The following KMT2C variants were observed in gnomAD, a reference collection of about 807,000 sequenced individuals.
KMT2C encodes the protein histone-lysine N-methyltransferase 2C.
In KMT2C, 88 loss-of-function variants were observed where a neutral mutation model predicts 507.9. That is an observed-to-expected ratio of 0.17 (90% CI 0.15 to 0.21). The LOEUF is 0.21. Among genes scored for constraint, KMT2C ranks in the 10% least tolerant of loss-of-function variants. KMT2C has a pLI of 1.00. For missense variants in KMT2C, 4,954 were observed against 5,957.8 expected, an observed-to-expected ratio of 0.83 and a Z score of 5.55; for synonymous variants, 2,049 against 2,080.8, an observed-to-expected ratio of 0.98 and a Z score of 0.42.
intron 54 of KMT2C, 60 bp downstream of exon 54, chr7:152,145,093 G>C: frequency 6.4e-7 from 1 of 1,569,964 alleles, no homozygotes; most frequent in Non-Finnish European, 8.7e-7. Context: ...ATCAAGCACA[G>C]GAAACCACTA....
rs552727080 is a variant in KMT2C at position 152,162,481 on chromosome 7, T to C, written c.11096A>G (p.Tyr3699Cys). Residue 3699 changes from tyrosine (Y) to cysteine (C), a missense_variant, in exon 43 of 59, where the codon TAT becomes TGT. Coordinates refer to ENST00000262189, the MANE Select transcript of KMT2C (RefSeq NM_170606.3). ...FSQATPNQQTYANSEVDKLSM... is the reference protein window; with the variant it reads ...FSQATPNQQTCANSEVDKLSM... The stretch of plus-strand genomic sequence containing the variant: ...GAGCTTGTCTACTTCTGAATTTGCA[T>C]ACGTCTGTTGATTTGGAGTTGCTTG... The C allele has an allele frequency of 2.5e-6, 4 of 1,614,276 alleles. No individual in the cohort carries two copies. The highest frequency in any genetic ancestry group is 2.2e-5 in the East Asian group (1 of 44,892).
At chr7:152,267,354 T>C (rs1443226040) in intron 7 of KMT2C, among the ~76,000 whole-genome samples, 1 of 152,210 alleles carries the variant, frequency 6.6e-6, no homozygotes, top group African/African-American at 2.4e-5. Flanking sequence ...GAAACTTTTT[T>C]AAAAACCCGA....
At chr7:152,378,127 A>C (rs1564044846) in intron 1 of KMT2C, among the ~76,000 whole-genome samples, 2 of 152,244 alleles carry the variant, frequency 1.3e-5, no homozygotes, top group Non-Finnish European at 1.5e-5. Context: ...GAAATTGTTG[A>C]ATAACAACAA....
chr7:152,258,895 T>G (rs556394613), intron 9 of KMT2C, among the ~76,000 whole-genome samples: 13 of 152,262 alleles, frequency 8.5e-5, no homozygotes, highest in African/African-American at 3.1e-4. Context: ...GGTCTTAAAG[T>G]GTCCTTACAT....
At chr7:152,364,609 CAAA>C (rs568794506) in intron 1 of KMT2C, among the ~76,000 whole-genome samples, 38 of 90,840 alleles carry the variant, frequency 4.2e-4, no homozygotes, top group African/African-American at 1.8e-3. Context: ...ACTCCGTCTC[CAAA>C]AAAAAAAAGA....
rs935743863 is a variant in KMT2C, at chr7:152,368,068, T to A, written c.162-9393A>T. On this transcript the variant is annotated intron_variant, in intron 1 of 58. Transcript: ENST00000262189. Reference sequence around the variant, plus strand: ...GAAGAAAATAAACTTGCTAAAAAGGTAAAGGACTGTTTACCTCTTGCTGTG... The same window carrying A: ...GAAGAAAATAAACTTGCTAAAAAGGAAAAGGACTGTTTACCTCTTGCTGTG... 2.3e-5 allele frequency: 20 copies of A among 879,646 alleles called. No individual in the cohort carries two copies. The Admixed American group carries it at 2.9e-4, about 13-fold the overall frequency. 54.5% of individuals were successfully genotyped at this position (879,646 alleles called of 1,614,324 possible).
chr7:152,184,658 TG>T (rs1159691504), intron 34 of KMT2C, among the ~76,000 whole-genome samples: 2 of 152,214 alleles, frequency 1.3e-5, no homozygotes, highest in Non-Finnish European at 2.9e-5. Context: ...TCTGTATCCA[TG>T]GGGTATTGGT....
chr7:152,408,671 G>C (rs1259159600), intron 1 of KMT2C, among the ~76,000 whole-genome samples: 2 of 152,132 alleles, frequency 1.3e-5, no homozygotes, highest in Non-Finnish European at 2.9e-5. Context: ...ACTAATGCCT[G>C]ATGATCTAAG....
intron 6 of KMT2C, among the ~76,000 whole-genome samples, chr7:152,284,040 T>C (rs2096260164): frequency 6.6e-6 from 1 of 152,152 alleles, no homozygotes; most frequent in Non-Finnish European, 1.5e-5. Flanking sequence ...TTTTGATTAC[T>C]TTGAAATTGA....
chr7:152,198,058 TATAAG>T (rs2094016439), intron 27 of KMT2C, among the ~76,000 whole-genome samples: 1 of 152,224 alleles, frequency 6.6e-6, no homozygotes, highest in Non-Finnish European at 1.5e-5. Flanking sequence ...TTATGAGAGT[TATAAG>T]ATAAACTTTA....
At chr7:152,249,312 T>A (rs930472296) in intron 13 of KMT2C, among the ~76,000 whole-genome samples, 1 of 136,342 alleles carries the variant, frequency 7.3e-6, no homozygotes, top group Non-Finnish European at 1.5e-5. Context: ...GTGACTAAAA[T>A]TTATCTGGTT....
chr7:152,177,725 A>G lies in KMT2C; in HGVS notation c.7728T>C (p.Ala2576=), dbSNP rs2093265754. 2 of 1,613,992 alleles carry G rather than the reference A, an allele frequency of 1.2e-6. No individual in the cohort carries two copies. The highest frequency in any genetic ancestry group is 1.3e-5 in the African/African-American group (1 of 74,900). The part of the protein sequence containing the change: ...PDGRQRLPFS[A]PPGSVVEASS... ...ATGCCTCTACAACGCTGCCAGGTGGAGCACTGAAAGGCAGCCGTTGCCTTC... is the reference window on the plus strand; with the variant it reads ...ATGCCTCTACAACGCTGCCAGGTGGGGCACTGAAAGGCAGCCGTTGCCTTC... The change falls in exon 38 of 59, where the codon GCT becomes GCC. Residue 2576 remains alanine (A), a synonymous_variant. Coordinates refer to ENST00000262189, the MANE Select transcript of KMT2C (RefSeq NM_170606.3).
chr7:152,389,840 C>CA (rs1423438334), intron 1 of KMT2C, among the ~76,000 whole-genome samples: 6 of 151,616 alleles, frequency 4.0e-5, no homozygotes, highest in African/African-American at 9.7e-5. Context: ...CTCCCCCTCG[C>CA]AAAAAAAGGT....
intron 2 of KMT2C, among the ~76,000 whole-genome samples, chr7:152,352,585 T>C (rs1479295132): frequency 6.6e-6 from 1 of 152,190 alleles, no homozygotes; most frequent in Admixed American, 6.5e-5. Flanking sequence ...CTTTGTACTC[T>C]GTCCCTCTAT....
In KMT2C at chr7:152,250,885, C is replaced by T; in HGVS notation, c.1703G>A (p.Gly568Asp). ...AACAATTCCAGGAGTGGACTCCTGA[C>T]CGTTGACATCTTTATTAGCTGCCTG... ...SEQAANKDVN[G>D]QESTPGIVPD... is the part of the protein sequence containing the mutation. Residue 568 changes from glycine to aspartate, a missense_variant, in exon 12 of 59, where the codon GGT becomes GAT. By Grantham distance (94) the Gly-to-Asp change is moderately conservative (BLOSUM62 -1). Coordinates refer to ENST00000262189, the MANE Select transcript of KMT2C (RefSeq NM_170606.3). 6.2e-7 allele frequency: 1 copy of T among 1,607,186 alleles called. No homozygotes were observed. The highest frequency in any genetic ancestry group is 8.5e-7 in the Non-Finnish European group (1 of 1,173,826).
chr7:152,387,835 G>T (rs570179134), intron 1 of KMT2C, among the ~76,000 whole-genome samples: 1 of 151,548 alleles, frequency 6.6e-6, no homozygotes, highest in African/African-American at 2.4e-5. Flanking sequence ...ATACATACAC[G>T]TCTTATCTAC....
At position 152,135,896 on chromosome 7, in the gene KMT2C, A is replaced by T. The variant is rs954635690; in HGVS notation, c.*936T>A. 3 of 231,188 alleles carry T rather than the reference A, an allele frequency of 1.3e-5. No individual in the cohort carries two copies. Among genetic ancestry groups the T allele is most frequent in the African/African-American group, 6.6e-5 (3 of 45,162 alleles). The allele number at this position is 231,188 out of a possible 1,614,324, so 14.3% of individuals were successfully genotyped here. A position where few individuals can be genotyped will look rare whatever the true frequency, so the allele number is the denominator to read the frequency against. On this transcript the variant is annotated 3_prime_UTR_variant, in exon 59 of 59. Coordinates refer to ENST00000262189, the MANE Select transcript of KMT2C (RefSeq NM_170606.3). ...CTGCGGTTTCCAAAAAACCCCCAAC[A>T]CTCTAGGTTGAAATTTTGGTTATTA...
rs200475025 is a variant in KMT2C, at chr7:152,248,369, T to C, written c.2065A>G (p.Met689Val). The C allele has an allele frequency of 2.0e-4, 328 of 1,614,014 alleles. 3 individuals are homozygous for C. The South Asian group carries it at 3.6e-3, about 18-fold the overall frequency. The change falls in exon 14 of 59, where the codon ATG becomes GTG. Residue 689 changes from methionine to valine, a missense_variant. Physicochemically the swap from Met to Val is conservative, Grantham distance 21. This residue lies in a region of KMT2C where 376 missense variants were observed against 352.4 expected (regional missense o/e 1.07). Transcript: ENST00000262189. The stretch of plus-strand genomic sequence containing the variant: ...TCTAGTGGAAGAGTGACAGATTCCA[T>C]GACTAATTTTGGAGGCCTTGATTCT... ...REESRPPKLVMESVTLPLETL... is the reference protein window; with the variant it reads ...REESRPPKLVVESVTLPLETL...
At chr7:152,384,950 A>C (rs2097410008) in intron 1 of KMT2C, among the ~76,000 whole-genome samples, 2 of 152,250 alleles carry the variant, frequency 1.3e-5, no homozygotes, top group African/African-American at 4.8e-5. Flanking sequence ...ACTCTTAATG[A>C]ATCAACAGAT....
Sources: allele counts gnomAD v4.1 joint callset (sites outside exome capture counted in the v4.1 genomes callset), GRCh38; gene constraint gnomAD v4.1.1; regional missense constraint gnomAD v4.1.1; transcripts MANE v1.5; gene names NCBI Gene and HGNC (gene_info 2026-07-23, HGNC 2026-07-21).